SLC24A2: variants seen among roughly 807,000 people sequenced by gnomAD.
SLC24A2 encodes the protein solute carrier family 24 member 2.
SLC24A2 carries 36 observed loss-of-function variants against 62.0 expected under a neutral mutation model. The observed-to-expected ratio is 0.58, with a 90% CI of 0.44 to 0.77. The LOEUF is 0.77. SLC24A2 is among the 30% of genes least tolerant of loss of function. The pLI is 0.00. For missense variants in SLC24A2, 846 were observed against 817.9 expected, an observed-to-expected ratio of 1.03 and a Z score of -0.42; for synonymous variants, 358 against 294.0, an observed-to-expected ratio of 1.22 and a Z score of -2.23.
chr9:19,983,327 G>A, the SLC24A2 span, among the ~76,000 whole-genome samples: 1 of 152,110 alleles, frequency 6.6e-6, no homozygotes, highest in African/African-American at 2.4e-5. Context: ...CAGCTAAGTT[G>A]CAGGATAAAA....
At chr9:20,156,734 T>C in the SLC24A2 span, among the ~76,000 whole-genome samples, 2 of 151,820 alleles carry the variant, frequency 1.3e-5, no homozygotes, top group Non-Finnish European at 2.9e-5. Context: ...GTTCCACCAA[T>C]GTCTAGAGTT....
At chr9:19,957,739 G>GT in the SLC24A2 span, 1 of 152,398 alleles carries the variant, frequency 6.6e-6, no homozygotes, top group South Asian at 2.1e-4. Context: ...ACCAGTCTCG[G>GT]TTTTTGCTTA....
At chr9:20,011,816 A>G in the SLC24A2 span, among the ~76,000 whole-genome samples, 2 of 152,242 alleles carry the variant, frequency 1.3e-5, no homozygotes, top group Admixed American at 1.3e-4. Context: ...AGAGACTTTA[A>G]GAACACGTCA....
At chr9:20,179,439 G>A in the SLC24A2 span, among the ~76,000 whole-genome samples, 3 of 152,304 alleles carry the variant, frequency 2.0e-5, no homozygotes, top group Admixed American at 6.5e-5. Flanking sequence ...GACTGATGGC[G>A]GTGATAAAAT....
the SLC24A2 span, among the ~76,000 whole-genome samples, chr9:19,920,493 C>T: frequency 6.6e-6 from 1 of 152,178 alleles, no homozygotes; most frequent in East Asian, 1.9e-4. Context: ...GGAAGTACTG[C>T]CATGGAAGTG....
intron 8 of SLC24A2, among the ~76,000 whole-genome samples, chr9:19,536,142 T>G (rs554865600): frequency 6.0e-5 from 9 of 150,086 alleles, no homozygotes; most frequent in Non-Finnish European, 1.2e-4. Flanking sequence ...GCTCTCTGTT[T>G]GTCTTTTTTT....
chr9:19,559,744 T>A (rs545667297), intron 7 of SLC24A2, among the ~76,000 whole-genome samples: 219 of 152,318 alleles, frequency 1.4e-3, no homozygotes, highest in African/African-American at 3.9e-3. Context: ...GAAATACCTA[T>A]AAACTCCCAC....
the SLC24A2 span, among the ~76,000 whole-genome samples, chr9:20,111,471 A>G: frequency 6.6e-6 from 1 of 152,188 alleles, no homozygotes; most frequent in African/African-American, 2.4e-5. Context: ...ATATTTATAA[A>G]TAAGCCCTTT....
the SLC24A2 span, among the ~76,000 whole-genome samples, chr9:20,017,993 C>G: frequency 6.6e-6 from 1 of 152,192 alleles, no homozygotes; most frequent in Non-Finnish European, 1.5e-5. Context: ...GTCACCCAGG[C>G]TGGAGTGCAG....
At chr9:20,238,290 G>A in the SLC24A2 span, among the ~76,000 whole-genome samples, 3 of 152,170 alleles carry the variant, frequency 2.0e-5, no homozygotes, top group Non-Finnish European at 4.4e-5. Flanking sequence ...GAGAGGTGCA[G>A]TGTCTTATGC....
At chr9:19,860,247 A>T in the SLC24A2 span, among the ~76,000 whole-genome samples, 1 of 152,132 alleles carries the variant, frequency 6.6e-6, no homozygotes, top group African/African-American at 2.4e-5. Context: ...TACATCTTGG[A>T]TACCAGTTCA....
the SLC24A2 span, among the ~76,000 whole-genome samples, chr9:20,001,989 T>A: frequency 6.6e-6 from 1 of 152,182 alleles, no homozygotes; most frequent in Admixed American, 6.5e-5. Context: ...ACAGCATTTC[T>A]AAAATTTATT....
Position 19,515,923 on chromosome 9 carries a change from T to C in SLC24A2, c.*230A>G, listed in dbSNP as rs148182367. On this transcript the variant is annotated 3_prime_UTR_variant, in exon 11 of 11. Transcript: ENST00000341998. ...GTGGTGAATAGGGAGAAGCCCTGTA[T>C]TGACGGTTCTCTTTGTCTTTTACAT... 1,428 of 553,818 alleles carry C rather than the reference T, an allele frequency of 2.6e-3. 5 individuals are homozygous for C. Among genetic ancestry groups the C allele is most frequent in the Middle Eastern group, 7.0e-3 (14 of 2,002 alleles). The allele number at this position is 553,818 out of a possible 1,614,324, so 34.3% of individuals were successfully genotyped here.
At chr9:20,298,744 A>T in the SLC24A2 span, among the ~76,000 whole-genome samples, 1 of 152,250 alleles carries the variant, frequency 6.6e-6, no homozygotes, top group Non-Finnish European at 1.5e-5. Flanking sequence ...AGCACTGAGG[A>T]AGATACAACT....
chr9:19,513,309 A>C lies in SLC24A2; in HGVS notation c.*2844T>G, dbSNP rs996540892. ...TATGCCAATGATTTGAATGGTTTAA[A>C]GACCCATTGTTGAACTCTGTACACA... On this transcript the variant is annotated 3_prime_UTR_variant, in exon 11 of 11. Coordinates refer to ENST00000341998, the MANE Select transcript of SLC24A2 (RefSeq NM_020344.4). 3 of 151,870 alleles carry C rather than the reference A, an allele frequency of 2.0e-5. No homozygotes were observed. Among genetic ancestry groups the C allele is most frequent in the African/African-American group, 7.3e-5 (3 of 41,304 alleles). The allele number at this position is 151,870 out of a possible 1,614,324, so 9.4% of individuals were successfully genotyped here. A position where few individuals can be genotyped will look rare whatever the true frequency, so the allele number is the denominator to read the frequency against.
rs1586914558 is a variant in SLC24A2 at position 19,537,452 on chromosome 9, A to C, written c.1480-9314T>G. On this transcript the variant is annotated intron_variant, in intron 8 of 10. Transcript: ENST00000341998. Reference sequence around the variant, plus strand: ...CCAGTTTTCCCAGCACCATTTATTAAATAGGGAATCCTTTCCCCATTGCTT... The same window carrying C: ...CCAGTTTTCCCAGCACCATTTATTACATAGGGAATCCTTTCCCCATTGCTT... 3.4e-4 allele frequency among the ~76,000 whole-genome samples: 4 copies of C among 11,772 alleles called. No individual in the cohort carries two copies. In the East Asian group the frequency reaches 8.9e-3, roughly 26 times the overall value. The allele number at this position is 11,772 out of a possible 152,430, so 7.7% of individuals were successfully genotyped here.
At chr9:19,520,652 C>T (rs1013777532) in intron 10 of SLC24A2, among the ~76,000 whole-genome samples, 2 of 151,826 alleles carry the variant, frequency 1.3e-5, no homozygotes, top group African/African-American at 4.8e-5. Flanking sequence ...TCCTAAAATA[C>T]CCATTCTGTA....
the SLC24A2 span, among the ~76,000 whole-genome samples, chr9:20,176,768 A>T: frequency 1.3e-5 from 2 of 152,140 alleles, no homozygotes; most frequent in African/African-American, 2.4e-5. Context: ...GAGAAAATAT[A>T]AATGTATTGA....
chr9:20,275,379 C>T, the SLC24A2 span, among the ~76,000 whole-genome samples: 3 of 152,164 alleles, frequency 2.0e-5, no homozygotes, highest in Non-Finnish European at 4.4e-5. Flanking sequence ...TGCCCTGAGG[C>T]CTGGTGGTTC....
Sources: allele counts gnomAD v4.1 joint callset (sites outside exome capture counted in the v4.1 genomes callset), GRCh38; gene constraint gnomAD v4.1.1; transcripts MANE v1.5; gene names NCBI Gene and HGNC (gene_info 2026-07-23, HGNC 2026-07-21).